The following ZDHHC5 variants were observed in gnomAD, a reference collection of about 807,000 sequenced individuals.
The protein encoded by ZDHHC5 is zDHHC palmitoyltransferase 5, also known as palmitoyltransferase ZDHHC5.
Under a neutral mutation model 70.0 loss-of-function variants are expected in ZDHHC5, and 22 were observed. The ratio of observed to expected loss-of-function variants is 0.31; its 90% CI spans 0.22 to 0.45. The LOEUF (loss-of-function observed/expected upper bound fraction) is 0.45. Among genes scored for constraint, ZDHHC5 ranks in the 20% least tolerant of loss-of-function variants. The probability of loss-of-function intolerance (pLI) is 1.00; values close to 1 mark genes in which losing one functional copy is unlikely to be tolerated. For synonymous variants in ZDHHC5, 313 were observed against 347.8 expected (o/e 0.90, Z 1.11); for missense variants, 746 against 926.9 (o/e 0.80, Z 2.53).
chr11:57,679,373 G>A (rs957994315), intron 2 of ZDHHC5, among the ~76,000 whole-genome samples: 1 of 152,108 alleles, frequency 6.6e-6, no homozygotes, highest in Admixed American at 6.5e-5. Flanking sequence ...TGTTGGCCAG[G>A]CTGGTCTCGA....
Position 57,672,793 on chromosome 11 carries a change from T to G in ZDHHC5, c.-298T>G. 1 of 337,916 alleles carries G rather than the reference T, an allele frequency of 3.0e-6. No homozygotes were observed. The highest frequency in any genetic ancestry group is 5.6e-6 in the Non-Finnish European group (1 of 178,814). The allele number at this position is 337,916 out of a possible 1,614,324, so 20.9% of individuals were successfully genotyped here. Reference sequence around the variant, plus strand: ...ATTTGCATGTGTACAGCCTACTGTTTGTCTCCAGTTTTTAAACTGTACAAG... The same window carrying G: ...ATTTGCATGTGTACAGCCTACTGTTGGTCTCCAGTTTTTAAACTGTACAAG... On this transcript the variant is annotated 5_prime_UTR_variant, in exon 2 of 12. Transcript: ENST00000287169.
At chr11:57,692,800 G>A in intron 7 of ZDHHC5, 98 bp downstream of exon 7, 1 of 1,213,614 alleles carries the variant, frequency 8.2e-7, no homozygotes, top group Non-Finnish European at 1.2e-6. Context: ...AGAGCCTTTA[G>A]GAAGGGTTCT....
intron 3 of ZDHHC5, among the ~76,000 whole-genome samples, chr11:57,686,525 A>G (rs1404713677): frequency 2.0e-5 from 3 of 152,030 alleles, no homozygotes; most frequent in African/African-American, 7.2e-5. Context: ...CATGTTGGCC[A>G]AGCTACTCTG....
chr11:57,685,919 C>T (rs1016105816), intron 3 of ZDHHC5, among the ~76,000 whole-genome samples: 7 of 149,782 alleles, frequency 4.7e-5, no homozygotes, highest in Non-Finnish European at 8.9e-5. Context: ...CCCAGCTACT[C>T]GGGAGGCTGA....
At position 57,697,730 on chromosome 11, in the gene ZDHHC5, C is replaced by G. The variant is rs1007105700; in HGVS notation, c.1123-829C>G. 2.0e-5 allele frequency among the ~76,000 whole-genome samples: 3 copies of G among 149,946 alleles called. No individual in the cohort carries two copies. The Admixed American group carries it at 2.0e-4, about 10-fold the overall frequency. The stretch of plus-strand genomic sequence containing the variant: ...GCTGAGGCAAGGAGAATCGCTTGAA[C>G]CTGGGAGGAGAATTGCTTGAACCTG... On this transcript the variant is annotated intron_variant, in intron 10 of 11. Transcript: ENST00000287169.
rs982101943 is a variant in ZDHHC5, at chr11:57,699,566, C to G, written c.1982+148C>G. 1.3e-5 allele frequency: 15 copies of G among 1,191,074 alleles called. 1 individual carries two copies. Among genetic ancestry groups the G allele is most frequent in the Admixed American group, 8.1e-5 (3 of 36,972 alleles). The allele number at this position is 1,191,074 out of a possible 1,614,324, so 73.8% of individuals were successfully genotyped here. ...TTTATTTTCACTTTGACTCTACCTG[C>G]CTTCATGGGCAATTCCTGTTAAGAG... On this transcript the variant is annotated intron_variant, in intron 11 of 11. Coordinates refer to ENST00000287169, the MANE Select transcript of ZDHHC5 (RefSeq NM_015457.3).
At position 57,699,128 on chromosome 11, in the gene ZDHHC5, A is replaced by G. The variant is rs775532092; in HGVS notation, c.1692A>G (p.Pro564=). ...SPPLPGREEE[P]GLGDSGIQST... is the part of the protein sequence containing the mutation. The stretch of plus-strand genomic sequence containing the variant: ...CACTCCCGGGCCGTGAGGAAGAACC[A>G]GGCTTGGGGGACTCAGGCATTCAGT... The change falls in exon 11 of 12, where the codon CCA becomes CCG. Residue 564 remains proline, a synonymous_variant. Transcript: ENST00000287169. The G allele has an allele frequency of 2.5e-6, 4 of 1,614,222 alleles. No individual in the cohort carries two copies. In the East Asian group the frequency reaches 8.9e-5, roughly 36 times the overall value.
intron 1 of ZDHHC5, among the ~76,000 whole-genome samples, chr11:57,670,723 A>T (rs1279344080): frequency 6.6e-6 from 1 of 152,114 alleles, no homozygotes; most frequent in African/African-American, 2.4e-5. Flanking sequence ...GAGAGAAATG[A>T]ATCGTAAGGG....
chr11:57,687,756 GTTT>G (rs746146074), intron 3 of ZDHHC5, among the ~76,000 whole-genome samples: 62 of 75,288 alleles, frequency 8.2e-4, no homozygotes, highest in African/African-American at 3.0e-3. Context: ...TTTTGGGAAA[GTTT>G]TTTTTTTTTT....
chr11:57,691,243 T>TGTATTTTA (rs1472692040), intron 6 of ZDHHC5, among the ~76,000 whole-genome samples: 2 of 152,144 alleles, frequency 1.3e-5, no homozygotes, highest in Admixed American at 1.3e-4. Context: ...AACTAATTTT[T>TGTATTTTA]GTATTTTTAG....
rs1946018327 is a variant in ZDHHC5, at chr11:57,672,476, C to G, written c.-615C>G. ...GGGAGTGGTGGCATTGAGAAGACTA[C>G]CTAAAAGAGACAAAGACTGCAGTAA... On this transcript the variant is annotated 5_prime_UTR_variant, in exon 2 of 12. Coordinates refer to ENST00000287169, the MANE Select transcript of ZDHHC5 (RefSeq NM_015457.3). The G allele has an allele frequency of 5.3e-6, 2 of 374,108 alleles. No individual in the cohort carries two copies. The highest frequency in any genetic ancestry group is 9.5e-6 in the Non-Finnish European group (2 of 211,216). The allele number at this position is 374,108 out of a possible 1,614,324, so 23.2% of individuals were successfully genotyped here. A position where few individuals can be genotyped will look rare whatever the true frequency, so the allele number is the denominator to read the frequency against.
At chr11:57,668,809 G>A (rs1392282489) in intron 1 of ZDHHC5, among the ~76,000 whole-genome samples, 1 of 152,232 alleles carries the variant, frequency 6.6e-6, no homozygotes, top group Non-Finnish European at 1.5e-5. Context: ...TTAAAGTGGA[G>A]CCCGAATGCG....
chr11:57,685,806 T>C (rs536003646), intron 3 of ZDHHC5, among the ~76,000 whole-genome samples: 1 of 152,226 alleles, frequency 6.6e-6, no homozygotes, highest in South Asian at 2.1e-4. Context: ...GGTGAGTGGA[T>C]CACCTGAGGT....
chr11:57,696,828 T>A lies in ZDHHC5; in HGVS notation c.1077T>A (p.Ser359Arg). 1 of 1,614,068 alleles carries A rather than the reference T, an allele frequency of 6.2e-7. No individual in the cohort carries two copies. The highest frequency in any genetic ancestry group is 8.5e-7 in the Non-Finnish European group (1 of 1,179,926). The change falls in exon 10 of 12, where the codon AGT becomes AGA. Residue 359 changes from serine (S) to arginine (R), a missense_variant. Coordinates refer to ENST00000287169, the MANE Select transcript of ZDHHC5 (RefSeq NM_015457.3). ...TGTACAAGTATCGGCCGGGTTACAG[T>A]AGCAGCAGTACGTCAGCTGCCATGC... ...PTMYKYRPGY[S>R]SSSTSAAMPH...
Position 57,699,987 on chromosome 11 carries a change from A to G in ZDHHC5, c.2104A>G (p.Lys702Glu). The G allele has an allele frequency of 6.2e-7, 1 of 1,612,068 alleles. No individual in the cohort carries two copies. The highest frequency in any genetic ancestry group is 8.5e-7 in the Non-Finnish European group (1 of 1,179,106). The part of the protein sequence containing the change: ...LSSPTRGGVK[K>E]VSGVGGTTYE... ...TAGCCCCACGAGGGGAGGAGTCAAG[A>G]AGGTGTCAGGGGTTGGTGGTACCAC... The change falls in exon 12 of 12, where the codon AAG becomes GAG. Residue 702 changes from lysine to glutamate, a missense_variant. This residue lies in a region of ZDHHC5 where 340 missense variants were observed against 350.1 expected (regional missense o/e 0.97). Transcript: ENST00000287169.
intron 6 of ZDHHC5, among the ~76,000 whole-genome samples, chr11:57,691,407 C>T (rs1049291222): frequency 1.3e-5 from 2 of 152,034 alleles, no homozygotes; most frequent in South Asian, 4.2e-4. Flanking sequence ...CCATGTTAGC[C>T]AGGATGGTCT....
intron 1 of ZDHHC5, among the ~76,000 whole-genome samples, chr11:57,670,506 A>C (rs1945991862): frequency 6.6e-6 from 1 of 152,282 alleles, no homozygotes; most frequent in East Asian, 1.9e-4. Flanking sequence ...CTACAAATCA[A>C]GAGTTTGCTT....
rs1946349488 is a variant in ZDHHC5, at chr11:57,696,174, G to A, written c.1009+131G>A. On this transcript the variant is annotated intron_variant, in intron 9 of 11. Coordinates refer to ENST00000287169, the MANE Select transcript of ZDHHC5 (RefSeq NM_015457.3). ...TGTGACTTTAAACACCCAACAGTTG[G>A]TACTTGTGCTACTTTGCAACTGAAA... 3 of 1,376,366 alleles carry A rather than the reference G, an allele frequency of 2.2e-6. No individual in the cohort carries two copies. The East Asian group carries it at 7.6e-5, about 35-fold the overall frequency. The allele number at this position is 1,376,366 out of a possible 1,614,324, so 85.3% of individuals were successfully genotyped here.
chr11:57,698,476 C>G (rs1327263344), intron 10 of ZDHHC5, 83 bp from the exon 11 acceptor site: 12 of 1,507,992 alleles, frequency 8.0e-6, no homozygotes, highest in Non-Finnish European at 1.1e-5. Flanking sequence ...ACATAATTCT[C>G]TTTTTGACCA....
Sources: allele counts gnomAD v4.1 joint callset (sites outside exome capture counted in the v4.1 genomes callset), GRCh38; gene constraint gnomAD v4.1.1; regional missense constraint gnomAD v4.1.1; transcripts MANE v1.5; gene names NCBI Gene and HGNC (gene_info 2026-07-23, HGNC 2026-07-21).